PCDH9: variants seen among roughly 807,000 people sequenced by gnomAD.
The protein encoded by PCDH9 is protocadherin-9.
A neutral mutation model predicts 70.6 loss-of-function variants in PCDH9; 24 were observed. The ratio of observed to expected loss-of-function variants is 0.34; its 90% CI spans 0.25 to 0.48. The LOEUF is 0.48. Among genes scored for constraint, PCDH9 ranks in the 20% least tolerant of loss-of-function variants. The pLI, the probability that PCDH9 is intolerant of heterozygous loss-of-function variation, is 0.99. For synonymous variants in PCDH9, 562 were observed against 558.5 expected (o/e 1.01, Z -0.09); for missense variants, 1,281 against 1,503.6 (o/e 0.85, Z 2.45).
chr13:66,998,045 G>C (rs934264159), intron 2 of PCDH9, among the ~76,000 whole-genome samples: 8 of 152,118 alleles, frequency 5.3e-5, no homozygotes, highest in Non-Finnish European at 1.0e-4. Context: ...TGTGATTTTT[G>C]ATATTATACA....
intron 4 of PCDH9, among the ~76,000 whole-genome samples, chr13:66,345,868 A>G (rs1291638614): frequency 6.6e-6 from 1 of 152,216 alleles, no homozygotes; most frequent in Non-Finnish European, 1.5e-5. Context: ...CTCTTTTACA[A>G]TAACACTCCC....
intron 2 of PCDH9, among the ~76,000 whole-genome samples, chr13:67,148,984 C>A (rs1026294102): frequency 5.3e-5 from 8 of 152,092 alleles, no homozygotes; most frequent in African/African-American, 1.7e-4. Flanking sequence ...AAGGCTGCAA[C>A]TACAGTAAGG....
At chr13:67,169,484 T>A (rs1341892486) in intron 2 of PCDH9, among the ~76,000 whole-genome samples, 1 of 152,232 alleles carries the variant, frequency 6.6e-6, no homozygotes, top group African/African-American at 2.4e-5. Flanking sequence ...TCTGATTACA[T>A]GTCTTTTGGC....
At position 67,228,143 on chromosome 13, in the gene PCDH9, C is replaced by G; in HGVS notation, c.298G>C (p.Gly100Arg). The change falls in exon 2 of 5, where the codon GGC (glycine) becomes CGC (arginine). Residue 100 changes from glycine (G) to arginine (R), a missense_variant. Transcript: ENST00000377865. ...TCATTCTCCTCAGCATATGAGGCGC[C>G]AGCACAGAGTTTTTCTCTGTCTATT... ...NRIDREKLCA[G>R]ASYAEENECF... 2 of 1,614,046 alleles carry G rather than the reference C, an allele frequency of 1.2e-6. No individual in the cohort carries two copies. Among genetic ancestry groups the G allele is most frequent in the South Asian group, 2.2e-5 (2 of 91,060 alleles).
intron 4 of PCDH9, among the ~76,000 whole-genome samples, chr13:66,563,033 A>C (rs979650687): frequency 4.6e-5 from 7 of 152,058 alleles, no homozygotes; most frequent in Non-Finnish European, 1.0e-4. Flanking sequence ...TATCGAATTC[A>C]TTGACTTTTG....
chr13:66,534,339 A>T (rs967752083), intron 4 of PCDH9, among the ~76,000 whole-genome samples: 1 of 152,128 alleles, frequency 6.6e-6, no homozygotes, highest in Non-Finnish European at 1.5e-5. Flanking sequence ...AACAACTGAA[A>T]TTTATTTCTC....
chr13:66,555,889 T>A (rs574171911), intron 4 of PCDH9, among the ~76,000 whole-genome samples: 1 of 147,806 alleles, frequency 6.8e-6, no homozygotes, highest in Admixed American at 6.8e-5. Context: ...TATTGAAGTT[T>A]TATATATATA....
At chr13:66,940,809 CAG>C (rs1163464812) in intron 2 of PCDH9, among the ~76,000 whole-genome samples, 9 of 151,068 alleles carry the variant, frequency 6.0e-5, no homozygotes, top group Non-Finnish European at 1.0e-4. Flanking sequence ...GAAAAAATTT[CAG>C]AGTCATTCAT....
intron 2 of PCDH9, among the ~76,000 whole-genome samples, chr13:66,911,920 A>T (rs1229149672): frequency 6.6e-6 from 1 of 152,152 alleles, no homozygotes; most frequent in Non-Finnish European, 1.5e-5. Context: ...TTTGGGTGCC[A>T]GGGTTAGTCA....
intron 3 of PCDH9, among the ~76,000 whole-genome samples, chr13:66,801,583 T>A (rs2080327623): frequency 6.6e-6 from 1 of 152,098 alleles, no homozygotes. Context: ...ATTTATCATT[T>A]TATTTGGTTG....
At position 66,558,326 on chromosome 13, in the gene PCDH9, G is replaced by C. The variant is rs1424744936; in HGVS notation, c.3340+72884C>G. ...ACAAATGTATGCTTTTTTTAAAAAA[G>C]CCTTTTATGACATGAAAAAATTAGC... is the stretch of plus-strand genomic sequence containing the variant. On this transcript the variant is annotated intron_variant, in intron 4 of 4. Transcript: ENST00000377865. 4.6e-5 allele frequency among the ~76,000 whole-genome samples: 7 copies of C among 152,060 alleles called. No homozygotes were observed. In the South Asian group the frequency reaches 1.3e-3, roughly 27 times the overall value.
At chr13:66,821,933 A>G (rs2080717832) in intron 3 of PCDH9, among the ~76,000 whole-genome samples, 1 of 152,056 alleles carries the variant, frequency 6.6e-6, no homozygotes, top group Non-Finnish European at 1.5e-5. Flanking sequence ...TCAACTGACT[A>G]CTCTGTAAAA....
intron 4 of PCDH9, among the ~76,000 whole-genome samples, chr13:66,452,962 C>T (rs1454063703): frequency 6.6e-6 from 1 of 152,060 alleles, no homozygotes; most frequent in Non-Finnish European, 1.5e-5. Context: ...ATCCACTCAT[C>T]CATCCATTCA....
intron 2 of PCDH9, among the ~76,000 whole-genome samples, chr13:66,996,775 G>T (rs921294541): frequency 2.0e-5 from 3 of 152,160 alleles, no homozygotes; most frequent in African/African-American, 7.2e-5. Flanking sequence ...GTAAGTGTCT[G>T]GTTTCTTGCA....
chr13:67,118,418 G>A (rs1309660159), intron 2 of PCDH9, among the ~76,000 whole-genome samples: 2 of 152,106 alleles, frequency 1.3e-5, no homozygotes. Context: ...CAGAAAACCT[G>A]TAAAACAGTG....
rs565517058 is a variant in PCDH9, at chr13:66,538,723, T to C, written c.3340+92487A>G. ...TACCTAAAATCTACTAATTGAAATG[T>C]CAATCTCATCTAAGTAAAGTTTAAT... is the stretch of plus-strand genomic sequence containing the variant. On this transcript the variant is annotated intron_variant, in intron 4 of 4. Coordinates refer to ENST00000377865, the MANE Select transcript of PCDH9 (RefSeq NM_203487.3). Among the ~76,000 whole-genome samples the C allele has an allele frequency of 1.0e-4, 15 of 150,500 alleles. No homozygotes were observed. The East Asian group carries it at 2.8e-3, about 28-fold the overall frequency.
chr13:66,953,643 T>C (rs148511784), intron 2 of PCDH9, among the ~76,000 whole-genome samples: 164 of 152,284 alleles, frequency 1.1e-3, no homozygotes, highest in African/African-American at 3.9e-3. Context: ...CCTGCACCCA[T>C]TAATAATGGT....
At chr13:66,722,520 C>G (rs963584453) in intron 3 of PCDH9, among the ~76,000 whole-genome samples, 1 of 152,078 alleles carries the variant, frequency 6.6e-6, no homozygotes. Flanking sequence ...TAATTGGACC[C>G]TATTGGTTTA....
chr13:66,379,722 A>C (rs1232562671), intron 4 of PCDH9, among the ~76,000 whole-genome samples: 2 of 152,216 alleles, frequency 1.3e-5, no homozygotes, highest in Non-Finnish European at 2.9e-5. Context: ...ATAGTATCTT[A>C]GTAGTTTGAG....
Sources: allele counts gnomAD v4.1 joint callset (sites outside exome capture counted in the v4.1 genomes callset), GRCh38; gene constraint gnomAD v4.1.1; transcripts MANE v1.5; gene names NCBI Gene and HGNC (gene_info 2026-07-23, HGNC 2026-07-21).